WDR70: variants seen among roughly 807,000 people sequenced by gnomAD.
WDR70 encodes the protein WD repeat-containing protein 70.
WDR70 carries 53 observed loss-of-function variants against 88.6 expected under a neutral mutation model. The observed-to-expected ratio is 0.60, with a 90% confidence interval of 0.48 to 0.75. WDR70 has a LOEUF of 0.75. Among genes scored for constraint, WDR70 ranks in the 30% least tolerant of loss-of-function variants. WDR70 has a pLI of 0.00. For missense variants in WDR70, 610 were observed against 823.2 expected (o/e 0.74, Z 3.17); for synonymous variants, 280 against 270.0 (o/e 1.04, Z -0.36).
chr5:37,457,905 G>C (rs1482444963), intron 7 of WDR70, among the ~76,000 whole-genome samples: 1 of 151,282 alleles, frequency 6.6e-6, no homozygotes, highest in African/African-American at 2.4e-5. Context: ...TCTTGTGCCA[G>C]TTTTCAAAGG....
intron 8 of WDR70, among the ~76,000 whole-genome samples, chr5:37,509,808 T>TTTA (rs759885728): frequency 7.6e-5 from 11 of 143,936 alleles, no homozygotes; most frequent in African/African-American, 2.6e-4. Context: ...TTTTTTTTTT[T>TTTA]AACAGACTTT....
intron 5 of WDR70, among the ~76,000 whole-genome samples, chr5:37,414,669 C>T (rs1344905515): frequency 6.7e-6 from 1 of 148,636 alleles, no homozygotes; most frequent in African/African-American, 2.5e-5. Context: ...ATAGTAGGTA[C>T]TCAAGAAATA....
At chr5:37,612,526 C>T (rs975453058) in intron 10 of WDR70, among the ~76,000 whole-genome samples, 13 of 152,108 alleles carry the variant, frequency 8.5e-5, no homozygotes, top group South Asian at 4.1e-4. Flanking sequence ...TCAGATAGGA[C>T]GTGCACATAA....
At chr5:37,708,874 T>C (rs1747433528) in intron 13 of WDR70, among the ~76,000 whole-genome samples, 1 of 152,232 alleles carries the variant, frequency 6.6e-6, no homozygotes. Context: ...TTAATGATAC[T>C]ATGCCTGTGA....
chr5:37,558,102 A>C (rs764134762), intron 9 of WDR70, among the ~76,000 whole-genome samples: 1 of 151,838 alleles, frequency 6.6e-6, no homozygotes, highest in Non-Finnish European at 1.5e-5. Flanking sequence ...TTCAGGTTTC[A>C]GTAGTAGTTA....
intron 9 of WDR70, among the ~76,000 whole-genome samples, chr5:37,521,716 A>G (rs986804603): frequency 6.9e-6 from 1 of 145,834 alleles, no homozygotes; most frequent in Non-Finnish European, 1.5e-5. Flanking sequence ...ACACACACAC[A>G]CACACACACA....
intron 7 of WDR70, among the ~76,000 whole-genome samples, chr5:37,446,204 A>G (rs1738471638): frequency 6.6e-6 from 1 of 152,216 alleles, no homozygotes; most frequent in Non-Finnish European, 1.5e-5. Context: ...TTCAAAGAGA[A>G]TGAAATACCT....
chr5:37,486,368 GT>G (rs1739869340), intron 8 of WDR70, among the ~76,000 whole-genome samples: 1 of 148,836 alleles, frequency 6.7e-6, no homozygotes, highest in Non-Finnish European at 1.5e-5. Flanking sequence ...TTGAGACAGA[GT>G]CTCGCTCTGT....
chr5:37,463,859 A>T (rs192876001), intron 7 of WDR70, among the ~76,000 whole-genome samples: 2 of 152,356 alleles, frequency 1.3e-5, no homozygotes, highest in African/African-American at 2.4e-5. Flanking sequence ...TGAGACAGGA[A>T]TGATGAGCTT....
intron 9 of WDR70, among the ~76,000 whole-genome samples, chr5:37,534,193 C>T (rs1741586730): frequency 6.6e-6 from 1 of 152,202 alleles, no homozygotes; most frequent in Non-Finnish European, 1.5e-5. Context: ...ATGTGAGTCT[C>T]TACACACTGC....
At chr5:37,635,232 A>C (rs1744923809) in intron 10 of WDR70, among the ~76,000 whole-genome samples, 2 of 152,178 alleles carry the variant, frequency 1.3e-5, no homozygotes, top group Admixed American at 6.6e-5. Context: ...CTGAAATGGC[A>C]CAGTTATCCT....
At chr5:37,667,783 A>G (rs895412160) in intron 10 of WDR70, among the ~76,000 whole-genome samples, 36 of 135,202 alleles carry the variant, frequency 2.7e-4, no homozygotes, top group African/African-American at 8.6e-4. Context: ...TGCTCTAGGT[A>G]TATGTTTCTC....
At chr5:37,585,964 G>A (rs1178857413) in intron 9 of WDR70, among the ~76,000 whole-genome samples, 2 of 152,056 alleles carry the variant, frequency 1.3e-5, no homozygotes, top group African/African-American at 4.8e-5. Flanking sequence ...TACCCCTCAA[G>A]TTGTAACTAT....
chr5:37,485,753 G>C (rs1305986452), intron 8 of WDR70, among the ~76,000 whole-genome samples: 1 of 151,704 alleles, frequency 6.6e-6, no homozygotes, highest in African/African-American at 2.4e-5. Flanking sequence ...GTGCAGTGGT[G>C]CAGTCTTGGC....
In WDR70 at chr5:37,702,955, C is replaced by T. The variant is rs1179077622; in HGVS notation, c.1284C>T (p.Asp428=). Reference sequence around the variant, plus strand: ...AAACTCTTTTTTTCTGTAGGACTGACTGCTGTTTCAGTCCAGATGATAAGC... The same window carrying T: ...AAACTCTTTTTTTCTGTAGGACTGATTGCTGTTTCAGTCCAGATGATAAGC... The part of the protein sequence containing the change: ...SGLPTMFPMT[D]CCFSPDDKLI... Residue 428 remains aspartate (D), a synonymous_variant, in exon 13 of 18, where the codon GAC becomes GAT. Coordinates refer to ENST00000265107, the MANE Select transcript of WDR70 (RefSeq NM_018034.4). The T allele has an allele frequency of 1.9e-6, 3 of 1,607,352 alleles. No homozygotes were observed. The highest frequency in any genetic ancestry group is 2.6e-6 in the Non-Finnish European group (3 of 1,174,278).
intron 10 of WDR70, among the ~76,000 whole-genome samples, chr5:37,622,537 A>G (rs184184990): frequency 6.6e-6 from 1 of 152,328 alleles, no homozygotes; most frequent in Admixed American, 6.5e-5. Context: ...TGTGGCACAT[A>G]TACACCATGG....
chr5:37,684,728 T>G (rs1746530426), intron 10 of WDR70, among the ~76,000 whole-genome samples: 2 of 152,126 alleles, frequency 1.3e-5, no homozygotes, highest in South Asian at 4.1e-4. Context: ...GGATGGGTGG[T>G]GTCAGCAAAA....
intron 9 of WDR70, among the ~76,000 whole-genome samples, chr5:37,589,850 C>A (rs1743477515): frequency 1.3e-5 from 2 of 152,098 alleles, no homozygotes; most frequent in African/African-American, 4.8e-5. Context: ...GATCCGCCTG[C>A]CTTGGTCTTG....
At chr5:37,628,241 T>C (rs7714066) in intron 10 of WDR70, among the ~76,000 whole-genome samples, 16,318 of 152,204 alleles carry the variant, frequency 0.11, 2,828 homozygotes, top group African/African-American at 0.36. Flanking sequence ...AGTTTAAATC[T>C]ATGTTCCTTT....
Sources: gnomAD v4.1 joint callset for allele counts (sites outside exome capture counted in the v4.1 genomes callset) on GRCh38, gnomAD v4.1.1 for gene constraint, MANE v1.5 for transcripts, NCBI Gene and HGNC (gene_info 2026-07-23, HGNC 2026-07-21) for gene names.